The following TTLL11 variants were observed in gnomAD, a reference collection of about 807,000 sequenced individuals.
TTLL11 encodes tubulin tyrosine ligase like 11.
A neutral mutation model predicts 51.7 loss-of-function variants in TTLL11; 42 were observed. The ratio of observed to expected loss-of-function variants is 0.81; its 90% CI spans 0.64 to 1.05. The LOEUF (loss-of-function observed/expected upper bound fraction) is 1.05. Among genes scored for constraint, TTLL11 ranks in the 50% least tolerant of loss-of-function variants. The probability of loss-of-function intolerance (pLI) is 0.00; values close to 1 mark genes in which losing one functional copy is unlikely to be tolerated. For missense variants in TTLL11, 799 were observed against 940.4 expected (o/e 0.85, Z 1.97); for synonymous variants, 381 against 383.5 (o/e 0.99, Z 0.08).
intron 6 of TTLL11, among the ~76,000 whole-genome samples, chr9:121,895,681 CTG>C (rs1173728613): frequency 4.7e-4 from 7 of 14,892 alleles, no homozygotes; most frequent in African/African-American, 1.7e-3. Flanking sequence ...TTATGTGTGT[CTG>C]TGTGAATGTG....
chr9:121,989,861 G>C lies in TTLL11; in HGVS notation c.694-91C>G. The C allele has an allele frequency of 2.6e-6, 4 of 1,511,134 alleles. No individual in the cohort carries two copies. Among genetic ancestry groups the C allele is most frequent in the Non-Finnish European group, 3.5e-6 (4 of 1,138,396 alleles). 93.6% of individuals were successfully genotyped at this position (1,511,134 alleles called of 1,614,324 possible). A position where few individuals can be genotyped will look rare whatever the true frequency, so the allele number is the denominator to read the frequency against. On this transcript the variant is annotated intron_variant, in intron 3 of 8. Transcript: ENST00000321582. The surrounding 1 kb of genome is among the most constrained non-coding windows in gnomAD (Gnocchi z 4.2). Reference sequence around the variant, plus strand: ...AGGCCTTAGCAAATGTGTGGTGAATGAGTGACAAGATGATCCCTGCCGATC... The same window carrying C: ...AGGCCTTAGCAAATGTGTGGTGAATCAGTGACAAGATGATCCCTGCCGATC...
chr9:121,909,361 A>G (rs1840037828), intron 6 of TTLL11, among the ~76,000 whole-genome samples: 1 of 152,024 alleles, frequency 6.6e-6, no homozygotes. Flanking sequence ...GAGATTATCT[A>G]CTGGAACATC....
At chr9:121,823,745 C>CA (rs1836656079) in intron 8 of TTLL11, among the ~76,000 whole-genome samples, 2 of 152,132 alleles carry the variant, frequency 1.3e-5, no homozygotes, top group African/African-American at 2.4e-5. Flanking sequence ...TTTTACCCCC[C>CA]AAAGTAAAAT....
At chr9:121,869,576 C>T (rs1838283489) in intron 7 of TTLL11, among the ~76,000 whole-genome samples, 1 of 152,146 alleles carries the variant, frequency 6.6e-6, no homozygotes, top group African/African-American at 2.4e-5. Flanking sequence ...TTGATCGAGA[C>T]TCTGTGTAGG....
intron 2 of TTLL11, among the ~76,000 whole-genome samples, chr9:122,033,666 G>T (rs1188472092): frequency 6.6e-6 from 1 of 152,172 alleles, no homozygotes; most frequent in Non-Finnish European, 1.5e-5. Flanking sequence ...ATCTGGGAAG[G>T]AAAGTTTTAA....
intron 1 of TTLL11, among the ~76,000 whole-genome samples, chr9:122,069,568 C>A (rs539345995): frequency 2.6e-5 from 4 of 152,114 alleles, no homozygotes; most frequent in Non-Finnish European, 5.9e-5. Flanking sequence ...TGTAGTCCCA[C>A]CTACTCAGGA....
chr9:121,826,184 CTATATATATATATATATA>C (rs1166211047), intron 8 of TTLL11, among the ~76,000 whole-genome samples: 3 of 51,120 alleles, frequency 5.9e-5, no homozygotes, highest in Admixed American at 3.5e-4. Context: ...AACCAGTAAC[CTATATATATATATATATA>C]TATATATATA....
Position 122,078,657 on chromosome 9 carries a change from T to C in TTLL11, c.462+14030A>G, listed in dbSNP as rs138685136. Among the ~76,000 whole-genome samples, 51 of 152,356 alleles carry C rather than the reference T, an allele frequency of 3.3e-4. 1 individual carries two copies. The highest frequency in any genetic ancestry group is 3.4e-3 in the Middle Eastern group (1 of 294). Reference sequence around the variant, plus strand: ...GGCACTTTACATGATTATAGCTTTTTATGCTGGCAATAAATAACTCCATGA... The same window carrying C: ...GGCACTTTACATGATTATAGCTTTTCATGCTGGCAATAAATAACTCCATGA... On this transcript the variant is annotated intron_variant, in intron 1 of 8. Coordinates refer to ENST00000321582, the MANE Select transcript of TTLL11 (RefSeq NM_001139442.2).
intron 1 of TTLL11, among the ~76,000 whole-genome samples, chr9:122,083,692 C>A (rs1392221926): frequency 1.3e-5 from 2 of 152,116 alleles, no homozygotes; most frequent in Non-Finnish European, 2.9e-5. Context: ...CACCTATACT[C>A]CCAGCTACTT....
intron 8 of TTLL11, among the ~76,000 whole-genome samples, chr9:121,838,107 A>T (rs1271253086): frequency 5.3e-5 from 8 of 152,096 alleles, no homozygotes; most frequent in African/African-American, 1.9e-4. Flanking sequence ...CTTTTTTGCC[A>T]CTGGGATATC....
chr9:121,858,787 A>T (rs965095251), intron 8 of TTLL11, among the ~76,000 whole-genome samples: 3 of 152,206 alleles, frequency 2.0e-5, no homozygotes, highest in African/African-American at 4.8e-5. Context: ...CATTTTACAG[A>T]TGAGGAACTG....
intron 1 of TTLL11, among the ~76,000 whole-genome samples, chr9:122,039,988 T>G (rs1844803550): frequency 6.6e-6 from 1 of 151,806 alleles, no homozygotes; most frequent in South Asian, 2.1e-4. Flanking sequence ...CTTCCTGAAT[T>G]AATAAATGAA....
At chr9:121,937,856 A>G (rs1389586030) in intron 6 of TTLL11, among the ~76,000 whole-genome samples, 1 of 152,210 alleles carries the variant, frequency 6.6e-6, no homozygotes, top group Non-Finnish European at 1.5e-5. Flanking sequence ...TAAACCCAGT[A>G]AAGCATGAAA....
At chr9:121,977,439 ATATGCTAT>A (rs556308048) in intron 4 of TTLL11, among the ~76,000 whole-genome samples, 28 of 152,180 alleles carry the variant, frequency 1.8e-4, no homozygotes, top group Non-Finnish European at 3.7e-4. Context: ...GGTACTCAAT[ATATGCTAT>A]CTCTTTCCAG....
At chr9:122,035,907 C>T (rs956561575) in intron 2 of TTLL11, among the ~76,000 whole-genome samples, 1 of 152,140 alleles carries the variant, frequency 6.6e-6, no homozygotes, top group African/African-American at 2.4e-5. Flanking sequence ...CACCTGACGC[C>T]CTCTAACCAT....
At chr9:121,844,924 A>C (rs1837473432) in intron 8 of TTLL11, among the ~76,000 whole-genome samples, 2 of 152,304 alleles carry the variant, frequency 1.3e-5, no homozygotes, top group South Asian at 4.1e-4. Flanking sequence ...CGGAAGGAGA[A>C]GAATGAAGGG....
chr9:121,864,248 C>A (rs1002883356), intron 7 of TTLL11, among the ~76,000 whole-genome samples: 6 of 152,188 alleles, frequency 3.9e-5, no homozygotes, highest in Non-Finnish European at 8.8e-5. Context: ...GCCTTGGATA[C>A]CGTTCTCAGA....
chr9:122,026,909 T>TAAAAAAAAAAAAAAAAAAA (rs57149192), intron 3 of TTLL11, among the ~76,000 whole-genome samples: 1 of 119,922 alleles, frequency 8.3e-6, no homozygotes, highest in Non-Finnish European at 1.8e-5. Flanking sequence ...AAGTTCATTC[T>TAAAAAAAAAAAAAAAAAAA]AAAAAAAAAA....
At chr9:122,060,614 C>T (rs1248006122) in intron 1 of TTLL11, among the ~76,000 whole-genome samples, 2 of 152,206 alleles carry the variant, frequency 1.3e-5, no homozygotes, top group Non-Finnish European at 2.9e-5. Flanking sequence ...ACACAGGAAT[C>T]AGATCTTGGT....
Sources: gnomAD v4.1 joint callset for allele counts (sites outside exome capture counted in the v4.1 genomes callset) on GRCh38, gnomAD v4.1.1 for gene constraint, Gnocchi (gnomAD v3.1) non-coding constraint, MANE v1.5 for transcripts, NCBI Gene and HGNC (gene_info 2026-07-23, HGNC 2026-07-21) for gene names.